Variants in UBR2 observed in about 807,000 individuals in gnomAD.
The protein encoded by UBR2 is ubiquitin protein ligase E3 component n-recognin 2, also known as E3 ubiquitin-protein ligase UBR2.
Under a neutral mutation model 247.9 loss-of-function variants are expected in UBR2, and 92 were observed. The observed-to-expected ratio is 0.37, with a 90% CI of 0.31 to 0.44. The LOEUF (loss-of-function observed/expected upper bound fraction) is 0.44, where lower values mean the gene tolerates loss of function less well. UBR2 is among the 20% of genes least tolerant of loss of function. The pLI, the probability that UBR2 is intolerant of heterozygous loss-of-function variation, is 1.00. For synonymous variants in UBR2, 672 were observed against 693.5 expected (o/e 0.97, Z 0.49); for missense variants, 1,613 against 2,112.6 (o/e 0.76, Z 4.64).
intron 18 of UBR2, 86 bp downstream of exon 18, chr6:42,642,567 C>A: frequency 2.6e-6 from 3 of 1,136,592 alleles, no homozygotes; most frequent in Non-Finnish European, 3.9e-6. Flanking sequence ...CTTGTGATCA[C>A]TCCCAAATCT....
rs1404118949 is a variant in UBR2 at position 42,642,470 on chromosome 6, G to T, written c.2086G>T (p.Val696Leu). The change falls in exon 18 of 47, where the codon GTA becomes TTA. Residue 696 changes from valine (V) to leucine (L), a missense_variant. Physicochemically the swap from Val to Leu is conservative, Grantham distance 32. This residue lies in a region of UBR2 where 1,524 missense variants were observed against 1,967.3 expected (regional missense o/e 0.77). Transcript: ENST00000372901. The part of the protein sequence containing the change: ...CRREMFDKDV[V>L]MLQTGVSMMD... Reference sequence around the variant, plus strand: ...ACGTGAGATGTTTGACAAGGATGTAGTAATGCTTCAGGTAATGAATTAAAA... The same window carrying T: ...ACGTGAGATGTTTGACAAGGATGTATTAATGCTTCAGGTAATGAATTAAAA... 13 of 1,610,492 alleles carry T rather than the reference G, an allele frequency of 8.1e-6. No homozygotes were observed. The highest frequency in any genetic ancestry group is 1.0e-5 in the Non-Finnish European group (12 of 1,177,268).
chr6:42,588,934 T>G (rs1046194121), intron 2 of UBR2, among the ~76,000 whole-genome samples: 1 of 152,222 alleles, frequency 6.6e-6, no homozygotes, highest in Non-Finnish European at 1.5e-5. Context: ...GAAATATTCC[T>G]CAATATTCCT....
chr6:42,669,997 T>C (rs1798337305), intron 34 of UBR2, 95 bp from the exon 35 acceptor site: 1 of 1,431,304 alleles, frequency 7.0e-7, no homozygotes, highest in Non-Finnish European at 9.6e-7. Flanking sequence ...GTTAAGTGGT[T>C]CAATTTCAAT....
chr6:42,601,876 T>C (rs966390921), intron 4 of UBR2, among the ~76,000 whole-genome samples: 4 of 104,846 alleles, frequency 3.8e-5, no homozygotes, highest in East Asian at 2.8e-4. Context: ...TTTTTTTTTC[T>C]TTTTTTTTTT....
intron 7 of UBR2, among the ~76,000 whole-genome samples, chr6:42,610,113 G>A (rs1793976747): frequency 1.3e-5 from 2 of 152,116 alleles, no homozygotes; most frequent in African/African-American, 2.4e-5. Flanking sequence ...GGAGTTCAAG[G>A]CTGTAGTATG....
chr6:42,586,338 C>A (rs1792256549), intron 2 of UBR2, among the ~76,000 whole-genome samples: 1 of 152,098 alleles, frequency 6.6e-6, no homozygotes, highest in African/African-American at 2.4e-5. Context: ...CTAGCCTGGG[C>A]AACACAGCCA....
At chr6:42,638,847 C>CAAA (rs538632850) in intron 15 of UBR2, among the ~76,000 whole-genome samples, 599 of 141,362 alleles carry the variant, frequency 4.2e-3, no homozygotes, top group African/African-American at 0.014. Flanking sequence ...GACTCTGTCT[C>CAAA]AAAAAAAAAA....
chr6:42,624,648 C>T (rs1390103553), intron 11 of UBR2, among the ~76,000 whole-genome samples: 1 of 151,962 alleles, frequency 6.6e-6, no homozygotes, highest in East Asian at 1.9e-4. Context: ...ATTTGGTGAG[C>T]AGAAAACTAG....
chr6:42,678,501 T>C lies in UBR2; in HGVS notation c.4479-38T>C, dbSNP rs967768652. 3.1e-6 allele frequency: 5 copies of C among 1,593,530 alleles called. No individual in the cohort carries two copies. The African/African-American group carries it at 6.8e-5, about 22-fold the overall frequency. On this transcript the variant is annotated intron_variant, in intron 40 of 46. Coordinates refer to ENST00000372901, the MANE Select transcript of UBR2 (RefSeq NM_001363705.2). ...ACACTATAAGTACAGTGACCTTTTC[T>C]TAGTAGATTTCCCAATAATCTTTTT...
intron 2 of UBR2, among the ~76,000 whole-genome samples, chr6:42,581,207 C>T (rs529713813): frequency 8.0e-5 from 12 of 149,112 alleles, no homozygotes; most frequent in Middle Eastern, 3.5e-3. Flanking sequence ...TTTTTTTCTC[C>T]GAGACGGAGT....
chr6:42,685,107 A>C (rs1204550643), intron 44 of UBR2, among the ~76,000 whole-genome samples: 1 of 152,164 alleles, frequency 6.6e-6, no homozygotes, highest in East Asian at 1.9e-4. Flanking sequence ...TGAGGTCAGG[A>C]GTTCCAGCCT....
intron 13 of UBR2, among the ~76,000 whole-genome samples, chr6:42,634,651 C>T (rs531757103): frequency 2.6e-5 from 4 of 152,276 alleles, no homozygotes; most frequent in South Asian, 2.1e-4. Flanking sequence ...GACAGGGTTT[C>T]GCCATGTTGG....
At chr6:42,581,375 G>A (rs1791888298) in intron 2 of UBR2, among the ~76,000 whole-genome samples, 1 of 152,116 alleles carries the variant, frequency 6.6e-6, no homozygotes, top group Middle Eastern at 3.4e-3. Context: ...TTTTTTAGTA[G>A]AGACCGGGTT....
At chr6:42,640,411 T>TA in intron 16 of UBR2, 141 bp downstream of exon 16, 1 of 522,026 alleles carries the variant, frequency 1.9e-6, no homozygotes. Flanking sequence ...TGTGTGTGTG[T>TA]GTGTGTGTGT....
In UBR2 at chr6:42,614,261, TAC is replaced by T. The variant is rs1160089919; in HGVS notation, c.986-801_986-800del. ...ACACACACACGCGCGCACATATATA[TAC>T]ACACACACGTACATATATATGTATG... On this transcript the variant is annotated intron_variant, in intron 8 of 46. Transcript: ENST00000372901. 1.7e-4 allele frequency among the ~76,000 whole-genome samples: 24 copies of T among 137,488 alleles called. 1 individual carries two copies. The highest frequency in any genetic ancestry group is 1.2e-3 in the South Asian group (5 of 4,248). The allele number at this position is 137,488 out of a possible 152,430, so 90.2% of individuals were successfully genotyped here.
chr6:42,569,575 C>G (rs1249981162), intron 1 of UBR2, among the ~76,000 whole-genome samples: 1 of 152,072 alleles, frequency 6.6e-6, no homozygotes, highest in Non-Finnish European at 1.5e-5. Context: ...AATATATTCC[C>G]TAAAACTCCC....
intron 4 of UBR2, among the ~76,000 whole-genome samples, chr6:42,596,434 T>G (rs1440938504): frequency 6.6e-6 from 1 of 152,060 alleles, no homozygotes; most frequent in Admixed American, 6.6e-5. Flanking sequence ...GAAAACAGTT[T>G]GGCTGTTCCT....
intron 46 of UBR2, among the ~76,000 whole-genome samples, chr6:42,690,618 C>T (rs550963998): frequency 6.6e-6 from 1 of 152,098 alleles, no homozygotes; most frequent in Non-Finnish European, 1.5e-5. Context: ...TTTCTTTGCA[C>T]TCTTAGTAAA....
At chr6:42,687,226 C>T (rs892707081) in intron 44 of UBR2, among the ~76,000 whole-genome samples, 1 of 152,240 alleles carries the variant, frequency 6.6e-6, no homozygotes, top group Non-Finnish European at 1.5e-5. Flanking sequence ...ACTCCCTCTG[C>T]AATCCTGGCA....
Sources: gnomAD v4.1 joint callset for allele counts (sites outside exome capture counted in the v4.1 genomes callset) on GRCh38, gnomAD v4.1.1 for gene constraint, gnomAD v4.1.1 regional missense constraint, MANE v1.5 for transcripts, NCBI Gene and HGNC (gene_info 2026-07-23, HGNC 2026-07-21) for gene names.